Variants in SMG6 observed in about 807,000 individuals in gnomAD.
The protein encoded by SMG6 is SMG6 nonsense mediated mRNA decay factor, also known as telomerase-binding protein EST1A.
In SMG6, 66 loss-of-function variants were observed where a neutral mutation model predicts 142.2. The observed-to-expected ratio is 0.46, with a 90% CI of 0.38 to 0.57. The LOEUF is 0.57. Ranked by LOEUF, SMG6 falls within the 20% of genes least tolerant of loss-of-function variation. The pLI is 0.00. For synonymous variants in SMG6, 779 were observed against 702.4 expected (o/e 1.11, Z -1.72); for missense variants, 1,793 against 1,832.0 (o/e 0.98, Z 0.39).
chr17:2,190,436 C>G (rs2072124200), intron 10 of SMG6, among the ~76,000 whole-genome samples: 1 of 152,200 alleles, frequency 6.6e-6, no homozygotes, highest in South Asian at 2.1e-4. Flanking sequence ...CACTAAGACA[C>G]TCCCATGACC....
At chr17:2,141,863 G>C (rs2070491357) in intron 13 of SMG6, among the ~76,000 whole-genome samples, 1 of 152,174 alleles carries the variant, frequency 6.6e-6, no homozygotes, top group African/African-American at 2.4e-5. Context: ...GACTGGCCCT[G>C]ATGTCTTCTA....
At chr17:2,251,299 T>G (rs182146819) in intron 8 of SMG6, among the ~76,000 whole-genome samples, 2 of 148,834 alleles carry the variant, frequency 1.3e-5, no homozygotes, top group African/African-American at 4.9e-5. Flanking sequence ...GAAAACCAAA[T>G]AGCGTGACTC....
intron 10 of SMG6, among the ~76,000 whole-genome samples, chr17:2,191,818 A>C (rs1281538229): frequency 6.6e-6 from 1 of 152,202 alleles, no homozygotes; most frequent in African/African-American, 2.4e-5. Flanking sequence ...GGAAAACATA[A>C]ACCAACTGTC....
At chr17:2,163,605 T>G (rs2071245259) in intron 13 of SMG6, among the ~76,000 whole-genome samples, 2 of 152,218 alleles carry the variant, frequency 1.3e-5, no homozygotes, top group South Asian at 2.1e-4. Context: ...TTATGCTTTT[T>G]GGGGATTTTC....
chr17:2,263,454 A>T (rs2074358987), intron 8 of SMG6, among the ~76,000 whole-genome samples: 1 of 152,234 alleles, frequency 6.6e-6, no homozygotes, highest in African/African-American at 2.4e-5. Context: ...CGGAAAAAAC[A>T]GTAGCAGGAG....
chr17:2,250,251 G>A (rs960249630), intron 8 of SMG6, among the ~76,000 whole-genome samples: 2 of 151,770 alleles, frequency 1.3e-5, no homozygotes, highest in African/African-American at 2.4e-5. Flanking sequence ...GTGAAAAACC[G>A]AATTTCTGAA....
intron 4 of SMG6, among the ~76,000 whole-genome samples, chr17:2,294,144 G>A (rs963479517): frequency 2.6e-5 from 4 of 152,160 alleles, no homozygotes; most frequent in Non-Finnish European, 5.9e-5. Context: ...AAGCGAAATA[G>A]CTACTGCACA....
At chr17:2,235,467 G>A (rs2073624166) in intron 10 of SMG6, among the ~76,000 whole-genome samples, 1 of 152,100 alleles carries the variant, frequency 6.6e-6, no homozygotes, top group Non-Finnish European at 1.5e-5. Context: ...GTACAAACGG[G>A]GAGATAAATC....
chr17:2,064,084 G>A (rs1281667023), intron 18 of SMG6, among the ~76,000 whole-genome samples: 2 of 152,270 alleles, frequency 1.3e-5, no homozygotes, highest in East Asian at 1.9e-4. Flanking sequence ...GGGAGAGGAC[G>A]CAGGAGAGAG....
chr17:2,292,416 C>A, intron 6 of SMG6, 136 bp downstream of exon 6: 1 of 834,502 alleles, frequency 1.2e-6, no homozygotes, highest in Non-Finnish European at 1.9e-6. Context: ...GTAACCGTAA[C>A]AAAAGGAGTT....
In SMG6 at chr17:2,299,199, G is replaced by A. The variant is rs200081265; in HGVS notation, c.1554C>T (p.Ser518=). 162 of 1,613,514 alleles carry A rather than the reference G, an allele frequency of 1.0e-4. No individual in the cohort carries two copies. The highest frequency in any genetic ancestry group is 6.3e-4 in the Admixed American group (38 of 59,946). Reference sequence around the variant, plus strand: ...GGTTATAGCCCGTATAGGGATACTGGGAGGCAGGGCCTGGTGTCCGGGGGT... The same window carrying A: ...GGTTATAGCCCGTATAGGGATACTGAGAGGCAGGGCCTGGTGTCCGGGGGT... ...YYYPRTPGPA[S]QYPYTGYNPL... Residue 518 remains serine, a synonymous_variant, in exon 2 of 19, where the codon TCC becomes TCT. Transcript: ENST00000263073. The surrounding 1 kb of genome is among the most constrained non-coding windows in gnomAD (Gnocchi z 4.3).
chr17:2,260,717 G>A (rs1206648581), intron 8 of SMG6, among the ~76,000 whole-genome samples: 2 of 152,180 alleles, frequency 1.3e-5, no homozygotes, highest in African/African-American at 2.4e-5. Flanking sequence ...GGAAGAGGCC[G>A]GGCGCAGTGG....
chr17:2,186,657 A>T lies in SMG6; in HGVS notation c.3155+6T>A. 6.2e-7 allele frequency: 1 copy of T among 1,614,130 alleles called. No individual in the cohort carries two copies. ...TGGTGCTGAAGCAATGGGCAGGTCA[A>T]CTCACTGCGAGGGCAGATCCAGGGA... On this transcript the variant is annotated splice_donor_region_variant and intron_variant, in intron 12 of 18. Coordinates refer to ENST00000263073, the MANE Select transcript of SMG6 (RefSeq NM_017575.5).
rs1423556257 is a variant in SMG6, at chr17:2,253,155, ATTTT to A, written c.2662-8440_2662-8437del. ...TATTTATTTATTTATTTATTTATTTATTTTGAGATGGAGTCTCGCTCTGTCACCC... is the reference window on the plus strand; with the variant it reads ...TATTTATTTATTTATTTATTTATTTAGAGATGGAGTCTCGCTCTGTCACCC... On this transcript the variant is annotated intron_variant, in intron 8 of 18. Transcript: ENST00000263073. Among the ~76,000 whole-genome samples, 348 of 147,292 alleles carry A rather than the reference ATTTT, an allele frequency of 2.4e-3. 1 individual carries two copies. The highest frequency in any genetic ancestry group is 7.3e-3 in the African/African-American group (280 of 38,348).
chr17:2,177,961 A>G (rs189726951), intron 12 of SMG6, among the ~76,000 whole-genome samples: 1 of 152,222 alleles, frequency 6.6e-6, no homozygotes, highest in Non-Finnish European at 1.5e-5. Context: ...AGAGGCTAAC[A>G]TAAGACCACT....
chr17:2,107,524 C>T (rs890295969), intron 13 of SMG6, among the ~76,000 whole-genome samples: 1 of 152,196 alleles, frequency 6.6e-6, no homozygotes, highest in Non-Finnish European at 1.5e-5. Context: ...AACCTGCCAG[C>T]CTTTCTGCTC....
chr17:2,114,323 T>A (rs1160748003), intron 13 of SMG6, among the ~76,000 whole-genome samples: 3 of 152,180 alleles, frequency 2.0e-5, no homozygotes, highest in Non-Finnish European at 4.4e-5. Context: ...CATTGATTTG[T>A]TTAATCAGAA....
intron 9 of SMG6, chr17:2,237,089 A>AT (rs35081142): frequency 0.022 from 2,065 of 95,738 alleles, 21 homozygotes; most frequent in Non-Finnish European, 0.032. Flanking sequence ...AAAAAAAAAA[A>AT]TTTTTTTTTT....
chr17:2,223,307 G>A (rs140824564), intron 10 of SMG6, among the ~76,000 whole-genome samples: 3 of 152,344 alleles, frequency 2.0e-5, no homozygotes, highest in Non-Finnish European at 2.9e-5. Flanking sequence ...TACATCTGCT[G>A]TTGGCACTTG....
Sources: allele counts gnomAD v4.1 joint callset (sites outside exome capture counted in the v4.1 genomes callset), GRCh38; gene constraint gnomAD v4.1.1; non-coding constraint Gnocchi (gnomAD v3.1); transcripts MANE v1.5; gene names NCBI Gene and HGNC (gene_info 2026-07-23, HGNC 2026-07-21).